Variants in MYBL2 observed in about 807,000 individuals in gnomAD.
The protein encoded by MYBL2 is myb-related protein B.
MYBL2 carries 28 observed loss-of-function variants against 79.9 expected under a neutral mutation model. That is an observed-to-expected ratio of 0.35 (90% confidence interval 0.26 to 0.48). The LOEUF is 0.48. Ranked by LOEUF, MYBL2 falls within the 20% of genes least tolerant of loss-of-function variation. The probability of loss-of-function intolerance (pLI) is 0.99; values close to 1 mark genes in which losing one functional copy is unlikely to be tolerated. For synonymous variants in MYBL2, 378 were observed against 361.2 expected (o/e 1.05, Z -0.53); for missense variants, 735 against 893.9 (o/e 0.82, Z 2.27).
rs778451931 is a variant in MYBL2, at chr20:43,692,275, G to C, written c.619G>C (p.Glu207Gln). The change falls in exon 6 of 14, where the codon GAG (glutamate) becomes CAG (glutamine). Residue 207 changes from glutamate to glutamine, a missense_variant. By Grantham distance (29) the Glu-to-Gln change is conservative (BLOSUM62 2). This residue lies in a region of MYBL2 where 144 missense variants were observed against 131.9 expected (regional missense o/e 1.09). Transcript: ENST00000217026. ...CCCAGTGTACTTGCTGCTGGAGCTC[G>C]AGGACAAGGACGGCCTCCAGAGTGC... Reference protein sequence around the residue: ...KPPVYLLLELEDKDGLQSAQP... With the variant: ...KPPVYLLLELQDKDGLQSAQP... The C allele has an allele frequency of 1.9e-6, 3 of 1,614,212 alleles. No individual in the cohort carries two copies. The South Asian group carries it at 3.3e-5, about 18-fold the overall frequency.
chr20:43,712,149 G>A (rs1987922414), intron 11 of MYBL2, among the ~76,000 whole-genome samples: 1 of 152,132 alleles, frequency 6.6e-6, no homozygotes, highest in Non-Finnish European at 1.5e-5. Flanking sequence ...CAGGGGGGCA[G>A]GGAAGGGACT....
At position 43,715,964 on chromosome 20, in the gene MYBL2, C is replaced by T. The variant is rs1988022212; in HGVS notation, c.1980C>T (p.Ser660=). The T allele has an allele frequency of 6.2e-7, 1 of 1,610,534 alleles. No individual in the cohort carries two copies. Among genetic ancestry groups the T allele is most frequent in the Admixed American group, 1.7e-5 (1 of 59,362 alleles). Reference sequence around the variant, plus strand: ...ACCCTCTTGCCTCCTCCCAGATGTCCAGTGCCTGGAAGACGGTGGCCTGCG... The same window carrying T: ...ACCCTCTTGCCTCCTCCCAGATGTCTAGTGCCTGGAAGACGGTGGCCTGCG... ...RSHFTTPAPM[S]SAWKTVACGG... Residue 660 remains serine (S), a synonymous_variant, in exon 14 of 14, where the codon TCC becomes TCT. Transcript: ENST00000217026.
At position 43,667,204 on chromosome 20, in the gene MYBL2, C is replaced by A; in HGVS notation, c.-80C>A. On this transcript the variant is annotated 5_prime_UTR_variant, in exon 1 of 14. Transcript: ENST00000217026. Reference sequence around the variant, plus strand: ...CGGGGCCCGGAGCGGCCGGAGCAGCCCGGGTCCTGACCCCGGCCCGGCTCC... The same window carrying A: ...CGGGGCCCGGAGCGGCCGGAGCAGCACGGGTCCTGACCCCGGCCCGGCTCC... 2 of 1,070,338 alleles carry A rather than the reference C, an allele frequency of 1.9e-6. No individual in the cohort carries two copies. Among genetic ancestry groups the A allele is most frequent in the Non-Finnish European group, 2.3e-6 (2 of 858,634 alleles). The allele number at this position is 1,070,338 out of a possible 1,614,324, so 66.3% of individuals were successfully genotyped here.
At chr20:43,706,169 T>C (rs185170944) in intron 9 of MYBL2, among the ~76,000 whole-genome samples, 10 of 152,278 alleles carry the variant, frequency 6.6e-5, no homozygotes, top group Non-Finnish European at 1.5e-4. Flanking sequence ...GAGTCCAAAT[T>C]AGCCTGAAAA....
chr20:43,681,470 G>A (rs1462421660), intron 2 of MYBL2, among the ~76,000 whole-genome samples: 1 of 152,150 alleles, frequency 6.6e-6, no homozygotes, highest in Non-Finnish European at 1.5e-5. Flanking sequence ...TAGCTATTCT[G>A]CATTTCCTTG....
intron 2 of MYBL2, among the ~76,000 whole-genome samples, chr20:43,680,145 T>C (rs943386851): frequency 6.6e-6 from 1 of 152,110 alleles, no homozygotes; most frequent in Non-Finnish European, 1.5e-5. Flanking sequence ...AATCTTCTGC[T>C]GCAGCCTCCC....
At chr20:43,681,076 A>G (rs968337449) in intron 2 of MYBL2, among the ~76,000 whole-genome samples, 5 of 152,138 alleles carry the variant, frequency 3.3e-5, no homozygotes, top group Non-Finnish European at 4.4e-5. Context: ...TCTTTCACAC[A>G]TCATAGTGAC....
intron 7 of MYBL2, among the ~76,000 whole-genome samples, chr20:43,701,510 G>T (rs187908073): frequency 6.6e-6 from 1 of 152,344 alleles, no homozygotes; most frequent in Non-Finnish European, 1.5e-5. Flanking sequence ...ATTGGGTAAA[G>T]GAGGGAAAAC....
chr20:43,674,319 C>CT (rs1407458425), intron 2 of MYBL2, among the ~76,000 whole-genome samples: 1 of 147,420 alleles, frequency 6.8e-6, no homozygotes, highest in Non-Finnish European at 1.5e-5. Flanking sequence ...TCACTGCAAC[C>CT]TCTGCCTCCT....
intron 2 of MYBL2, among the ~76,000 whole-genome samples, chr20:43,676,207 C>A (rs1987005684): frequency 6.6e-6 from 1 of 152,142 alleles, no homozygotes; most frequent in Non-Finnish European, 1.5e-5. Context: ...GCGTGAGCCA[C>A]TGCACCCAGC....
intron 11 of MYBL2, 60 bp from the exon 12 acceptor site, chr20:43,712,942 G>C: frequency 7.4e-7 from 1 of 1,345,874 alleles, no homozygotes; most frequent in Non-Finnish European, 1.0e-6. Context: ...GACCATCCAG[G>C]TGCTGACCAT....
intron 12 of MYBL2, 122 bp from the exon 13 acceptor site, chr20:43,715,010 AGT>A: frequency 8.9e-7 from 1 of 1,124,398 alleles, no homozygotes. Flanking sequence ...GGCTTGGAAA[AGT>A]GTGTATCCTC....
At chr20:43,714,871 C>T (rs184873059) in intron 12 of MYBL2, among the ~76,000 whole-genome samples, 66 of 152,294 alleles carry the variant, frequency 4.3e-4, no homozygotes, top group Admixed American at 9.8e-4. Context: ...CCTCGTGATC[C>T]GCCTGCCTCG....
intron 10 of MYBL2, 147 bp from the exon 11 acceptor site, chr20:43,711,340 TG>T: frequency 1.7e-6 from 1 of 598,338 alleles, no homozygotes; most frequent in Non-Finnish European, 3.0e-6. Context: ...TGGTTGTGAA[TG>T]GTGCGTGTGA....
At chr20:43,715,919 T>G in intron 13 of MYBL2, 40 bp from the exon 14 acceptor site, 6 of 1,584,132 alleles carry the variant, frequency 3.8e-6, no homozygotes, top group Non-Finnish European at 5.1e-6. Context: ...TGGGAACACA[T>G]AGTCCCTGCC....
At chr20:43,709,915 C>T (rs772444982) in intron 9 of MYBL2, 48 bp from the exon 10 acceptor site, 18 of 1,457,200 alleles carry the variant, frequency 1.2e-5, no homozygotes, top group South Asian at 3.8e-5. Context: ...GAGTGCCTGG[C>T]GTCGGCCCCT....
chr20:43,700,757 C>T (rs1987660211), intron 7 of MYBL2, among the ~76,000 whole-genome samples: 2 of 152,230 alleles, frequency 1.3e-5, no homozygotes, highest in South Asian at 2.1e-4. Context: ...GCGTGGTATC[C>T]TGTGAGGTGT....
At chr20:43,684,720 G>A (rs1256761174) in intron 4 of MYBL2, among the ~76,000 whole-genome samples, 1 of 151,600 alleles carries the variant, frequency 6.6e-6, no homozygotes, top group African/African-American at 2.4e-5. Flanking sequence ...GTGGTGGGGT[G>A]CCTGTAGTTG....
At position 43,690,545 on chromosome 20, in the gene MYBL2, C is replaced by A. The variant is rs139368962; in HGVS notation, c.501-1612C>A. ...TGGATTCGCTGTAGGGACAGAGGAT[C>A]TGGGCAAAGCACCAGGAGCACCCCT... On this transcript the variant is annotated intron_variant, in intron 5 of 13. Transcript: ENST00000217026. Among the ~76,000 whole-genome samples the A allele has an allele frequency of 5.3e-5, 8 of 152,248 alleles. No homozygotes were observed. In the East Asian group the frequency reaches 1.5e-3, roughly 29 times the overall value.
Sources: allele counts gnomAD v4.1 joint callset (sites outside exome capture counted in the v4.1 genomes callset), GRCh38; gene constraint gnomAD v4.1.1; regional missense constraint gnomAD v4.1.1; transcripts MANE v1.5; gene names NCBI Gene and HGNC (gene_info 2026-07-23, HGNC 2026-07-21).